Variants in TMEM87B observed in about 807,000 individuals in gnomAD.
The protein encoded by TMEM87B is transmembrane protein 87B.
In TMEM87B, 83 loss-of-function variants were observed where a neutral mutation model predicts 80.3. That is an observed-to-expected ratio of 1.03 (90% CI 0.87 to 1.24). The LOEUF (loss-of-function observed/expected upper bound fraction) is 1.24. Among genes scored for constraint, TMEM87B ranks in the 50% most tolerant of loss-of-function variants. The pLI is 0.00. For missense variants in TMEM87B, 625 were observed against 674.4 expected (o/e 0.93, Z 0.81); for synonymous variants, 219 against 230.5 (o/e 0.95, Z 0.45).
chr2:112,076,542 G>A (rs1302659389), intron 5 of TMEM87B, among the ~76,000 whole-genome samples: 2 of 151,898 alleles, frequency 1.3e-5, no homozygotes. Context: ...GTTTTGCCAC[G>A]TTGGCCAGGC....
At chr2:112,095,384 A>C (rs1410287691) in intron 11 of TMEM87B, 1 of 983,976 alleles carries the variant, frequency 1.0e-6, no homozygotes, top group Non-Finnish European at 1.2e-6. Context: ...CTTCCATGGC[A>C]GGAATGATTT....
At chr2:112,083,169 T>C (rs1459892709) in intron 8 of TMEM87B, among the ~76,000 whole-genome samples, 1 of 152,204 alleles carries the variant, frequency 6.6e-6, no homozygotes, top group African/African-American at 2.4e-5. Flanking sequence ...GTCAGACTAA[T>C]TTTTTTGTTT....
chr2:112,111,438 C>A (rs998458731), intron 17 of TMEM87B, among the ~76,000 whole-genome samples: 2 of 152,128 alleles, frequency 1.3e-5, no homozygotes, highest in Admixed American at 6.5e-5. Flanking sequence ...TTCTTGGTTA[C>A]AAAAAATCCT....
chr2:112,086,537 G>A (rs943628848), intron 9 of TMEM87B, among the ~76,000 whole-genome samples: 4 of 152,170 alleles, frequency 2.6e-5, no homozygotes, highest in East Asian at 1.9e-4. Flanking sequence ...CTTCTCCGGC[G>A]GGTCTTTTCC....
intron 18 of TMEM87B, among the ~76,000 whole-genome samples, chr2:112,115,867 G>A (rs777891955): frequency 1.2e-4 from 18 of 152,092 alleles, no homozygotes; most frequent in Admixed American, 3.9e-4. Flanking sequence ...AACTCCTAGC[G>A]TCAAGCAGCC....
chr2:112,107,228 T>G (rs1018811533), intron 16 of TMEM87B, among the ~76,000 whole-genome samples: 7 of 151,880 alleles, frequency 4.6e-5, no homozygotes, highest in Non-Finnish European at 1.0e-4. Flanking sequence ...TGTGGTGGCA[T>G]GTGCCTGTCA....
intron 9 of TMEM87B, among the ~76,000 whole-genome samples, chr2:112,088,783 A>C (rs10178449): frequency 4.6e-5 from 7 of 151,876 alleles, no homozygotes; most frequent in Admixed American, 3.9e-4. Context: ...TTTTGGAGAC[A>C]AAAGTCTCAC....
At chr2:112,095,050 G>GA (rs893416726) in intron 11 of TMEM87B, among the ~76,000 whole-genome samples, 1 of 150,356 alleles carries the variant, frequency 6.7e-6, no homozygotes, top group Non-Finnish European at 1.5e-5. Flanking sequence ...AAAGTCATAG[G>GA]AAAAAAAATA....
intron 16 of TMEM87B, among the ~76,000 whole-genome samples, chr2:112,106,568 A>ATT (rs200445112): frequency 4.1e-5 from 6 of 146,272 alleles, no homozygotes; most frequent in South Asian, 2.1e-4. Context: ...AAATTAACAG[A>ATT]TTTTTTTTTT....
chr2:112,066,944 C>T lies in TMEM87B; in HGVS notation c.327C>T (p.Phe109=), dbSNP rs1678454304. ...HNEHSNLEEL[F]QKHKLSVDED... is the part of the protein sequence containing the mutation. The stretch of plus-strand genomic sequence containing the variant: ...AATTTTACCTTATATAGGAGCTGTT[C>T]CAAAAACATAAACTTAGTGTTGATG... The change falls in exon 4 of 19, where the codon TTC becomes TTT. Residue 109 remains phenylalanine, a synonymous_variant. Transcript: ENST00000283206. The T allele has an allele frequency of 6.2e-7, 1 of 1,600,688 alleles. No individual in the cohort carries two copies. The highest frequency in any genetic ancestry group is 1.3e-5 in the African/African-American group (1 of 74,250).
At chr2:112,110,746 T>C (rs1194788213) in intron 17 of TMEM87B, among the ~76,000 whole-genome samples, 1 of 152,080 alleles carries the variant, frequency 6.6e-6, no homozygotes, top group African/African-American at 2.4e-5. Context: ...CCCCCAACTT[T>C]TTACTGTCTT....
intron 5 of TMEM87B, among the ~76,000 whole-genome samples, chr2:112,076,981 C>T (rs1339445893): frequency 7.4e-6 from 1 of 135,676 alleles, no homozygotes; most frequent in South Asian, 2.3e-4. Context: ...GCAGGAGGAT[C>T]ACATGAGGGG....
intron 9 of TMEM87B, 47 bp downstream of exon 9, chr2:112,086,151 T>G: frequency 1.4e-6 from 2 of 1,461,722 alleles, no homozygotes; most frequent in South Asian, 1.2e-5. Flanking sequence ...GCCCAGTGAT[T>G]CAGTCCGTCT....
intron 14 of TMEM87B, among the ~76,000 whole-genome samples, chr2:112,099,077 TCAAGCTGGAAGGGAGAAGTACGGCCA>T (rs1318108251): frequency 6.6e-6 from 1 of 151,816 alleles, no homozygotes; most frequent in Non-Finnish European, 1.5e-5. Flanking sequence ...TGGAGGGAGA[TCAAGCTGGAAGGGAGAAGTACGGCCA>T]AAATGACAAA....
intron 2 of TMEM87B, among the ~76,000 whole-genome samples, chr2:112,063,145 G>T (rs922517066): frequency 2.0e-5 from 3 of 152,138 alleles, no homozygotes; most frequent in African/African-American, 7.2e-5. Context: ...GATCTTGTGT[G>T]GTCCTCTAAC....
intron 8 of TMEM87B, among the ~76,000 whole-genome samples, chr2:112,085,401 A>G (rs941923580): frequency 4.6e-5 from 7 of 151,824 alleles, no homozygotes; most frequent in African/African-American, 1.7e-4. Context: ...CCTGATTTAG[A>G]TGTCACTTTT....
chr2:112,107,988 C>A, intron 17 of TMEM87B, 148 bp downstream of exon 17: 1 of 427,734 alleles, frequency 2.3e-6, no homozygotes, highest in Non-Finnish European at 4.2e-6. Context: ...CCTTACAGAA[C>A]TGCAAAGAAA....
At chr2:112,090,821 A>G (rs187093984) in intron 10 of TMEM87B, among the ~76,000 whole-genome samples, 17 of 152,282 alleles carry the variant, frequency 1.1e-4, no homozygotes, top group African/African-American at 1.4e-4. Context: ...CATTTTACCT[A>G]AAATGTCTTT....
chr2:112,063,404 A>G (rs1204313959), intron 2 of TMEM87B, among the ~76,000 whole-genome samples: 1 of 152,186 alleles, frequency 6.6e-6, no homozygotes, highest in Non-Finnish European at 1.5e-5. Context: ...AAGAAAGGCC[A>G]AACTCCTCAG....
Sources: gnomAD v4.1 joint callset for allele counts (sites outside exome capture counted in the v4.1 genomes callset) on GRCh38, gnomAD v4.1.1 for gene constraint, MANE v1.5 for transcripts, NCBI Gene and HGNC (gene_info 2026-07-23, HGNC 2026-07-21) for gene names.